Variants in PLXNC1 observed in about 807,000 individuals in gnomAD.
PLXNC1 encodes the protein plexin-C1.
Under a neutral mutation model 178.2 loss-of-function variants are expected in PLXNC1, and 75 were observed. That is an observed-to-expected ratio of 0.42 (90% CI 0.35 to 0.51). The LOEUF (loss-of-function observed/expected upper bound fraction) is 0.51. Ranked by LOEUF, PLXNC1 falls within the 20% of genes least tolerant of loss-of-function variation. The pLI, the probability that PLXNC1 is intolerant of heterozygous loss-of-function variation, is 0.02. For synonymous variants in PLXNC1, 790 were observed against 779.9 expected (o/e 1.01, Z -0.22); for missense variants, 1,503 against 1,984.4 (o/e 0.76, Z 4.61).
intron 26 of PLXNC1, among the ~76,000 whole-genome samples, chr12:94,298,296 T>TA (rs1337247100): frequency 6.6e-6 from 1 of 152,182 alleles, no homozygotes; most frequent in Non-Finnish European, 1.5e-5. Flanking sequence ...ACATAACTAA[T>TA]AAAAGCCAAA....
intron 9 of PLXNC1, among the ~76,000 whole-genome samples, chr12:94,228,863 G>A (rs1373674304): frequency 6.6e-6 from 1 of 152,158 alleles, no homozygotes; most frequent in Non-Finnish European, 1.5e-5. Context: ...TACTAGGAAC[G>A]TGGGTGTGCT....
At position 94,177,909 on chromosome 12, in the gene PLXNC1, T is replaced by C. The variant is rs1962162220; in HGVS notation, c.1204-3537T>C. On this transcript the variant is annotated intron_variant, in intron 2 of 30. Transcript: ENST00000258526. ...CGTTTCACCTCAACATATTTCGTTA[T>C]GCATCTCTCAAAACCTACAGTTGTT... is the stretch of plus-strand genomic sequence containing the variant. Among the ~76,000 whole-genome samples, 3 of 152,246 alleles carry C rather than the reference T, an allele frequency of 2.0e-5. No individual in the cohort carries two copies. In the South Asian group the frequency reaches 6.2e-4, roughly 32 times the overall value.
At chr12:94,166,973 C>T (rs565632722) in intron 1 of PLXNC1, among the ~76,000 whole-genome samples, 1 of 152,150 alleles carries the variant, frequency 6.6e-6, no homozygotes, top group East Asian at 1.9e-4. Flanking sequence ...CTATGTTGCC[C>T]AGGCTGGTCT....
At chr12:94,271,156 T>A (rs543377520) in intron 21 of PLXNC1, among the ~76,000 whole-genome samples, 2 of 152,346 alleles carry the variant, frequency 1.3e-5, no homozygotes, top group Non-Finnish European at 2.9e-5. Context: ...GAAATAAAAT[T>A]AGAAATATAT....
chr12:94,245,706 G>A (rs961726746), intron 12 of PLXNC1, among the ~76,000 whole-genome samples: 1 of 152,134 alleles, frequency 6.6e-6, no homozygotes, highest in African/African-American at 2.4e-5. Flanking sequence ...GCAGGGAGGT[G>A]AGTTCAGGTA....
chr12:94,264,505 G>A (rs555286480), intron 20 of PLXNC1, among the ~76,000 whole-genome samples: 1 of 131,974 alleles, frequency 7.6e-6, no homozygotes, highest in East Asian at 2.2e-4. Flanking sequence ...GGAACTGCCC[G>A]GGCCGGGCCT....
intron 5 of PLXNC1, among the ~76,000 whole-genome samples, chr12:94,218,458 G>A (rs906350108): frequency 3.3e-5 from 5 of 152,126 alleles, no homozygotes; most frequent in Non-Finnish European, 5.9e-5. Flanking sequence ...TCTAGACTAT[G>A]GCTCTTCATA....
At chr12:94,176,060 G>A (rs1013145746) in intron 2 of PLXNC1, among the ~76,000 whole-genome samples, 4 of 152,166 alleles carry the variant, frequency 2.6e-5, no homozygotes, top group Admixed American at 6.5e-5. Context: ...TATTAAGGTC[G>A]TATCCTGGAA....
intron 6 of PLXNC1, 126 bp downstream of exon 6, chr12:94,220,289 G>C (rs1429500363): frequency 3.4e-6 from 3 of 884,910 alleles, no homozygotes; most frequent in South Asian, 3.4e-5. Flanking sequence ...ACTACCCCCT[G>C]GTTCCCACTT....
At chr12:94,156,439 G>A (rs1342643539) in intron 1 of PLXNC1, among the ~76,000 whole-genome samples, 1 of 150,546 alleles carries the variant, frequency 6.6e-6, no homozygotes, top group Non-Finnish European at 1.5e-5. Flanking sequence ...CCTCCCACCT[G>A]AGTATGCCTC....
chr12:94,280,018 T>C, intron 22 of PLXNC1: 1 of 371,312 alleles, frequency 2.7e-6, no homozygotes, highest in Non-Finnish European at 5.2e-6. Context: ...CACATTGGCA[T>C]TTGATTTGTT....
At chr12:94,236,034 T>C (rs1964232245) in intron 9 of PLXNC1, among the ~76,000 whole-genome samples, 2 of 152,318 alleles carry the variant, frequency 1.3e-5, no homozygotes, top group Middle Eastern at 3.4e-3. Flanking sequence ...GAGATTTATC[T>C]TGAAGGCTTT....
intron 1 of PLXNC1, among the ~76,000 whole-genome samples, chr12:94,154,149 A>G (rs1961067871): frequency 6.6e-6 from 1 of 152,226 alleles, no homozygotes. Context: ...GTTTTGTGTG[A>G]AGCAATTTAC....
chr12:94,248,634 T>A (rs1436347251), intron 14 of PLXNC1, among the ~76,000 whole-genome samples: 1 of 152,246 alleles, frequency 6.6e-6, no homozygotes, highest in Non-Finnish European at 1.5e-5. Context: ...GGACACACCA[T>A]TGTCTATAAT....
intron 9 of PLXNC1, among the ~76,000 whole-genome samples, chr12:94,230,867 G>T (rs1261733877): frequency 2.0e-5 from 3 of 152,146 alleles, no homozygotes; most frequent in African/African-American, 7.2e-5. Context: ...TAGGCGTCTA[G>T]GATCCTGAAC....
chr12:94,149,917 G>A lies in PLXNC1; in HGVS notation c.946G>A (p.Glu316Lys). The A allele has an allele frequency of 6.3e-7, 1 of 1,588,864 alleles. No individual in the cohort carries two copies. Among genetic ancestry groups the A allele is most frequent in the Non-Finnish European group, 8.6e-7 (1 of 1,168,530 alleles). The change falls in exon 1 of 31, where the codon GAG becomes AAG. Residue 316 changes from glutamate (E) to lysine (K), a missense_variant. Transcript: ENST00000258526. ...WAGVFSAAAG[E>K]GQERRSPTTT... ...GGGAGTGTTCAGCGCGGCCGCTGGAGAGGGCCAGGAGCGGCGCTCCCCCAC... is the reference window on the plus strand; with the variant it reads ...GGGAGTGTTCAGCGCGGCCGCTGGAAAGGGCCAGGAGCGGCGCTCCCCCAC...
intron 9 of PLXNC1, among the ~76,000 whole-genome samples, chr12:94,235,835 G>A (rs12228919): frequency 0.2 from 30,058 of 152,062 alleles, 3,313 homozygotes; most frequent in East Asian, 0.37. Context: ...AGCAGGTAGC[G>A]GGCAGGATCT....
At chr12:94,295,818 C>T (rs1013007153) in intron 24 of PLXNC1, among the ~76,000 whole-genome samples, 1 of 152,214 alleles carries the variant, frequency 6.6e-6, no homozygotes, top group Admixed American at 6.5e-5. Flanking sequence ...CAATTCAACT[C>T]TGTGTTGTCC....
intron 6 of PLXNC1, among the ~76,000 whole-genome samples, chr12:94,223,760 C>A (rs1409803537): frequency 6.6e-6 from 1 of 152,150 alleles, no homozygotes; most frequent in Non-Finnish European, 1.5e-5. Flanking sequence ...TGGAACCCAG[C>A]CCATGGAAAC....
Sources: gnomAD v4.1 joint callset for allele counts (sites outside exome capture counted in the v4.1 genomes callset) on GRCh38, gnomAD v4.1.1 for gene constraint, MANE v1.5 for transcripts, NCBI Gene and HGNC (gene_info 2026-07-23, HGNC 2026-07-21) for gene names.